Variants in EZH2 observed in about 807,000 individuals in gnomAD.
The protein encoded by EZH2 is histone-lysine N-methyltransferase EZH2.
EZH2 carries 18 observed loss-of-function variants against 98.4 expected under a neutral mutation model. The observed-to-expected ratio is 0.18, with a 90% CI of 0.13 to 0.27. The LOEUF is 0.27. Among genes scored for constraint, EZH2 ranks in the 10% least tolerant of loss-of-function variants. The pLI is 1.00. For synonymous variants in EZH2, 338 were observed against 312.3 expected, an observed-to-expected ratio of 1.08 and a Z score of -0.87; for missense variants, 470 against 935.1, an observed-to-expected ratio of 0.50 and a Z score of 6.49.
chr7:148,830,315 C>T (rs1040367357), intron 4 of EZH2, among the ~76,000 whole-genome samples: 2 of 152,140 alleles, frequency 1.3e-5, no homozygotes, highest in Non-Finnish European at 2.9e-5. Context: ...ACACCATGAG[C>T]CACCATGCCC....
chr7:148,869,740 T>C (rs927490725), intron 1 of EZH2, among the ~76,000 whole-genome samples: 1 of 152,244 alleles, frequency 6.6e-6, no homozygotes, highest in Non-Finnish European at 1.5e-5. Flanking sequence ...TGCAGGCACA[T>C]ACATGGTAGA....
At chr7:148,811,304 C>A (rs1803014300) in intron 16 of EZH2, among the ~76,000 whole-genome samples, 1 of 152,154 alleles carries the variant, frequency 6.6e-6, no homozygotes, top group Non-Finnish European at 1.5e-5. Context: ...GTATGCACCA[C>A]CACGCCCGGC....
At chr7:148,830,644 T>G (rs1263164919) in intron 4 of EZH2, among the ~76,000 whole-genome samples, 1 of 152,208 alleles carries the variant, frequency 6.6e-6, no homozygotes, top group Non-Finnish European at 1.5e-5. Context: ...AATATTTAGA[T>G]GAATGAGATG....
At chr7:148,809,033 A>C (rs1438136587) in intron 19 of EZH2, 38 bp downstream of exon 19, 1 of 1,536,138 alleles carries the variant, frequency 6.5e-7, no homozygotes, top group African/African-American at 1.4e-5. Context: ...CAGTAGAAAA[A>C]GCCCTTAGAG....
intron 1 of EZH2, among the ~76,000 whole-genome samples, chr7:148,871,862 C>T (rs1244327642): frequency 6.6e-6 from 1 of 152,154 alleles, no homozygotes; most frequent in Non-Finnish European, 1.5e-5. Context: ...GCATCAGCCA[C>T]CACGCCCAGC....
At chr7:148,868,738 A>G (rs1021416310) in intron 1 of EZH2, among the ~76,000 whole-genome samples, 1 of 152,198 alleles carries the variant, frequency 6.6e-6, no homozygotes, top group Non-Finnish European at 1.5e-5. Flanking sequence ...AAAAGTTGGT[A>G]TTTCCATTAG....
chr7:148,824,251 G>A (rs910347639), intron 8 of EZH2, among the ~76,000 whole-genome samples: 1 of 151,612 alleles, frequency 6.6e-6, no homozygotes, highest in African/African-American at 2.4e-5. Context: ...GCAGGCGGAG[G>A]TTGCAGCGAG....
At chr7:148,869,540 G>C (rs1207453198) in intron 1 of EZH2, among the ~76,000 whole-genome samples, 1 of 151,916 alleles carries the variant, frequency 6.6e-6, no homozygotes, top group African/African-American at 2.4e-5. Context: ...GCCTCACTTT[G>C]TTGTCCAGGC....
chr7:148,863,158 T>C (rs1008211543), intron 1 of EZH2, among the ~76,000 whole-genome samples: 20 of 151,556 alleles, frequency 1.3e-4, no homozygotes, highest in Admixed American at 1.1e-3. Flanking sequence ...CTTTGAGAAC[T>C]GCTCCCCTTA....
chr7:148,861,829 G>C (rs1382912358), intron 1 of EZH2, among the ~76,000 whole-genome samples: 2 of 148,730 alleles, frequency 1.3e-5, no homozygotes, highest in Non-Finnish European at 1.5e-5. Flanking sequence ...AAATTAATTA[G>C]TAAGTGGTGC....
chr7:148,817,757 C>G (rs747098453), intron 10 of EZH2, 120 bp downstream of exon 10: 33 of 1,331,974 alleles, frequency 2.5e-5, no homozygotes, highest in Admixed American at 7.3e-5. Flanking sequence ...CTTGAGATAA[C>G]TCTGGTCTTT....
intron 1 of EZH2, among the ~76,000 whole-genome samples, chr7:148,867,733 C>T (rs1271914685): frequency 6.6e-6 from 1 of 152,168 alleles, no homozygotes; most frequent in Non-Finnish European, 1.5e-5. Context: ...CTTTTATGTT[C>T]TGCTTCCCTT....
intron 1 of EZH2, among the ~76,000 whole-genome samples, chr7:148,873,557 ATTT>A (rs58553084): frequency 0.067 from 5,308 of 79,514 alleles, 81 homozygotes; most frequent in Middle Eastern, 0.1. Flanking sequence ...CATGCTCTTC[ATTT>A]TTTTTTTTTT....
rs550195890 is a variant in EZH2 at position 148,807,447 on chromosome 7, C to T, written c.*199G>A. On this transcript the variant is annotated 3_prime_UTR_variant, in exon 20 of 20. Coordinates refer to ENST00000320356, the MANE Select transcript of EZH2 (RefSeq NM_004456.5). ...ACCATACTGCATTATTGCAAAAATT[C>T]ACTGGTACAAAACACTTTGCAGCTG... 2.8e-5 allele frequency: 16 copies of T among 573,038 alleles called. No individual in the cohort carries two copies. The South Asian group carries it at 3.6e-4, about 13-fold the overall frequency. 35.5% of individuals were successfully genotyped at this position (573,038 alleles called of 1,614,324 possible). A position where few individuals can be genotyped will look rare whatever the true frequency, so the allele number is the denominator to read the frequency against.
At position 148,819,623 on chromosome 7, in the gene EZH2, A is replaced by G. The variant is rs574201179; in HGVS notation, c.972T>C (p.Pro324=). Residue 324 remains proline (P), a synonymous_variant, in exon 9 of 20, where the codon CCT becomes CCC. Coordinates refer to ENST00000320356, the MANE Select transcript of EZH2 (RefSeq NM_004456.5). The stretch of plus-strand genomic sequence containing the variant: ...AATGCTGGTAACACTGTGGTCCACA[A>G]GGTTTGTTGTCTAGAGCTGTTTCTG... The part of the protein sequence containing the change: ...KNTETALDNK[P]CGPQCYQHLE... 1.9e-6 allele frequency: 3 copies of G among 1,614,106 alleles called. No homozygotes were observed.
intron 1 of EZH2, among the ~76,000 whole-genome samples, chr7:148,873,178 G>T (rs551315258): frequency 6.6e-6 from 1 of 151,206 alleles, no homozygotes; most frequent in African/African-American, 2.4e-5. Flanking sequence ...GTGAAACTGT[G>T]TACAAAAAAG....
intron 2 of EZH2, among the ~76,000 whole-genome samples, chr7:148,846,858 G>A (rs1218939893): frequency 6.7e-6 from 1 of 148,794 alleles, no homozygotes; most frequent in African/African-American, 2.5e-5. Flanking sequence ...GTGTGTGTGT[G>A]TGTGTGTGTG....
intron 1 of EZH2, among the ~76,000 whole-genome samples, chr7:148,866,681 T>C (rs1351547194): frequency 6.9e-6 from 1 of 144,588 alleles, no homozygotes; most frequent in Non-Finnish European, 1.5e-5. Context: ...TATGTACGTA[T>C]ATGCATATAT....
chr7:148,852,934 G>A (rs1816117360), intron 1 of EZH2, among the ~76,000 whole-genome samples: 1 of 152,088 alleles, frequency 6.6e-6, no homozygotes. Context: ...GAAGACTCAA[G>A]TCCCTGATAT....
Sources: gnomAD v4.1 joint callset for allele counts (sites outside exome capture counted in the v4.1 genomes callset) on GRCh38, gnomAD v4.1.1 for gene constraint, MANE v1.5 for transcripts, NCBI Gene and HGNC (gene_info 2026-07-23, HGNC 2026-07-21) for gene names.